MYO3B: variants seen among roughly 807,000 people sequenced by gnomAD.
MYO3B encodes myosin-IIIb.
MYO3B carries 156 observed loss-of-function variants against 174.6 expected under a neutral mutation model. The ratio of observed to expected loss-of-function variants is 0.89; its 90% CI spans 0.78 to 1.02. The LOEUF is 1.02. MYO3B is among the 50% of genes least tolerant of loss of function. The pLI is 0.00. For missense variants in MYO3B, 1,632 were observed against 1,639.4 expected, an observed-to-expected ratio of 1.00 and a Z score of 0.08; for synonymous variants, 563 against 569.1, an observed-to-expected ratio of 0.99 and a Z score of 0.15.
At chr2:170,565,937 G>C (rs1016020241) in intron 32 of MYO3B, among the ~76,000 whole-genome samples, 16 of 152,108 alleles carry the variant, frequency 1.1e-4, no homozygotes, top group Non-Finnish European at 2.1e-4. Context: ...GAGAGAGGAG[G>C]GTGTAGCTTG....
At chr2:170,228,708 T>G (rs1303012218) in intron 6 of MYO3B, among the ~76,000 whole-genome samples, 2 of 152,138 alleles carry the variant, frequency 1.3e-5, no homozygotes, top group Non-Finnish European at 2.9e-5. Context: ...TGTTTTTAAT[T>G]TGAACCTGGC....
chr2:170,267,981 G>A (rs910313248), intron 7 of MYO3B, among the ~76,000 whole-genome samples: 1 of 152,184 alleles, frequency 6.6e-6, no homozygotes, highest in Non-Finnish European at 1.5e-5. Flanking sequence ...GCCGAGGCGG[G>A]TGGATTACCT....
chr2:170,587,987 C>T (rs1693590190), intron 32 of MYO3B, among the ~76,000 whole-genome samples: 1 of 152,164 alleles, frequency 6.6e-6, no homozygotes, highest in African/African-American at 2.4e-5. Flanking sequence ...TGGACTTATA[C>T]ATATGGAGGC....
chr2:170,582,078 TG>T (rs1224640967), intron 32 of MYO3B, among the ~76,000 whole-genome samples: 3 of 152,196 alleles, frequency 2.0e-5, no homozygotes, highest in Non-Finnish European at 4.4e-5. Context: ...TATCCACTTT[TG>T]GGGAAGAAAA....
intron 7 of MYO3B, among the ~76,000 whole-genome samples, chr2:170,253,998 T>C (rs1450181559): frequency 1.3e-5 from 2 of 151,758 alleles, no homozygotes; most frequent in Non-Finnish European, 2.9e-5. Context: ...TTTGAACAGA[T>C]CTTTTGAGAA....
chr2:170,633,808 C>G (rs866268763), intron 32 of MYO3B, among the ~76,000 whole-genome samples: 1 of 152,210 alleles, frequency 6.6e-6, no homozygotes, highest in South Asian at 2.1e-4. Context: ...CACAGGCATT[C>G]TTATACACCA....
intron 28 of MYO3B, among the ~76,000 whole-genome samples, chr2:170,507,384 G>A (rs557633056): frequency 4.0e-4 from 61 of 151,994 alleles, no homozygotes; most frequent in African/African-American, 1.4e-3. Flanking sequence ...AGAAAGTGGG[G>A]CTTTCTTTCT....
chr2:170,487,141 C>A (rs1686118308), intron 25 of MYO3B, among the ~76,000 whole-genome samples: 1 of 152,116 alleles, frequency 6.6e-6, no homozygotes, highest in Non-Finnish European at 1.5e-5. Flanking sequence ...TTTCAGAGAC[C>A]CTGCTAAGTC....
intron 6 of MYO3B, among the ~76,000 whole-genome samples, chr2:170,232,565 A>G (rs1032184756): frequency 6.6e-6 from 1 of 152,274 alleles, no homozygotes; most frequent in Non-Finnish European, 1.5e-5. Context: ...GATAGCACTT[A>G]TATGGCAATG....
intron 25 of MYO3B, among the ~76,000 whole-genome samples, chr2:170,481,004 A>G (rs1277966828): frequency 6.6e-6 from 1 of 152,218 alleles, no homozygotes; most frequent in Non-Finnish European, 1.5e-5. Context: ...TTAAGCCCTA[A>G]GGTTAGTGCC....
rs1367210983 is a variant in MYO3B, at chr2:170,344,919, G to A, written c.815+9469G>A. The A allele has an allele frequency of 3.3e-5, 5 of 152,244 alleles. No homozygotes were observed. In the East Asian group the frequency reaches 9.6e-4, roughly 29 times the overall value. The allele number at this position is 152,244 out of a possible 1,614,324, so 9.4% of individuals were successfully genotyped here. The stretch of plus-strand genomic sequence containing the variant: ...GCTGTCAGGATCCCTCTGAACCCCA[G>A]GGCTGATCTGTGGCCTGTGGGATGA... On this transcript the variant is annotated intron_variant, in intron 8 of 34. Transcript: ENST00000408978.
chr2:170,401,215 A>G (rs995268143), intron 17 of MYO3B, among the ~76,000 whole-genome samples: 1 of 152,124 alleles, frequency 6.6e-6, no homozygotes, highest in Admixed American at 6.5e-5. Context: ...TACAGTCTGC[A>G]CCTATTTCCC....
intron 14 of MYO3B, among the ~76,000 whole-genome samples, chr2:170,390,146 A>G (rs925315136): frequency 2.0e-5 from 3 of 152,198 alleles, no homozygotes; most frequent in African/African-American, 4.8e-5. Flanking sequence ...TTTTTAAAAA[A>G]TAAAAATAAG....
At chr2:170,256,308 G>C (rs946269104) in intron 7 of MYO3B, among the ~76,000 whole-genome samples, 26 of 152,098 alleles carry the variant, frequency 1.7e-4, no homozygotes, top group African/African-American at 2.7e-4. Context: ...TACTATATAA[G>C]ATAGCTATCC....
At chr2:170,194,464 C>T (rs1476401090) in intron 1 of MYO3B, among the ~76,000 whole-genome samples, 2 of 150,810 alleles carry the variant, frequency 1.3e-5, no homozygotes, top group Non-Finnish European at 2.9e-5. Context: ...ATGATTGTGC[C>T]ACTGCACTCC....
intron 32 of MYO3B, among the ~76,000 whole-genome samples, chr2:170,601,138 A>G (rs756978845): frequency 4.7e-5 from 7 of 149,664 alleles, no homozygotes; most frequent in Non-Finnish European, 1.0e-4. Flanking sequence ...TTTCAGACCT[A>G]TGAAAACGAC....
At chr2:170,213,252 G>C (rs968129228) in intron 3 of MYO3B, among the ~76,000 whole-genome samples, 1 of 152,124 alleles carries the variant, frequency 6.6e-6, no homozygotes, top group Non-Finnish European at 1.5e-5. Flanking sequence ...GGGAGCATCG[G>C]GCAAGACTCC....
At chr2:170,516,379 C>T (rs951282334) in intron 29 of MYO3B, among the ~76,000 whole-genome samples, 3 of 151,922 alleles carry the variant, frequency 2.0e-5, no homozygotes, top group Non-Finnish European at 4.4e-5. Context: ...CGGTGGCTCA[C>T]GCCTGTAATC....
intron 7 of MYO3B, among the ~76,000 whole-genome samples, chr2:170,303,288 C>G (rs764117272): frequency 5.3e-5 from 8 of 152,074 alleles, no homozygotes; most frequent in Non-Finnish European, 8.8e-5. Flanking sequence ...TTACCCAATT[C>G]TTGCTCAAAG....
Sources: gnomAD v4.1 joint callset for allele counts (sites outside exome capture counted in the v4.1 genomes callset) on GRCh38, gnomAD v4.1.1 for gene constraint, MANE v1.5 for transcripts, NCBI Gene and HGNC (gene_info 2026-07-23, HGNC 2026-07-21) for gene names.